Variants in PELI3 observed in about 807,000 individuals in gnomAD.
PELI3 encodes pellino E3 ubiquitin protein ligase family member 3.
A neutral mutation model predicts 35.5 loss-of-function variants in PELI3; 19 were observed. The ratio of observed to expected loss-of-function variants is 0.54; its 90% CI spans 0.37 to 0.79. The LOEUF (loss-of-function observed/expected upper bound fraction) is 0.79, where lower values mean the gene tolerates loss of function less well. Among genes scored for constraint, PELI3 ranks in the 30% least tolerant of loss-of-function variants. The pLI is 0.00. For missense variants in PELI3, 490 were observed against 661.2 expected, an observed-to-expected ratio of 0.74 and a Z score of 2.84; for synonymous variants, 262 against 279.2, an observed-to-expected ratio of 0.94 and a Z score of 0.62.
rs1854604326 is a variant in PELI3 at position 66,468,232 on chromosome 11, C to T, written c.104C>T (p.Ala35Val). The change falls in exon 2 of 8, where the codon GCG becomes GTG. Residue 35 changes from alanine (A) to valine (V), a missense_variant. Around this residue, in one of 3 missense-constraint regions of PELI3, gnomAD observed 137 missense variants for 157.1 expected, o/e 0.87. Transcript: ENST00000320740. ...GTTCTCTCCTCTCCCGGTGAAGATG[C>T]GCAGCCAGGCGAGGAGCCCATCAAG... ...SCVLSSPGED[A>V]QPGEEPIKYG... 3.8e-6 allele frequency: 6 copies of T among 1,594,386 alleles called. No individual in the cohort carries two copies. The highest frequency in any genetic ancestry group is 1.1e-5 in the South Asian group (1 of 89,324).
chr11:66,470,827 T>C (rs115637985), intron 3 of PELI3, among the ~76,000 whole-genome samples: 3,428 of 152,290 alleles, frequency 0.023, 139 homozygotes, highest in African/African-American at 0.078. Flanking sequence ...AGAATTCCCT[T>C]TTCTTCCTCT....
chr11:66,473,748 C>G lies in PELI3; in HGVS notation c.663C>G (p.Ala221=). Residue 221 remains alanine, a synonymous_variant, in exon 7 of 8, where the codon GCC becomes GCG. Transcript: ENST00000320740. This position sits in a 1 kb window ranked among gnomAD's most constrained non-coding sequence, Gnocchi z 5.8. ...SSNIFLGERA[A]KWRTPDGLMD... ...TCATGTGGTCCCAGGAGCGAGCGGC[C>G]AAATGGCGGACCCCAGATGGCCTGA... 1 of 1,613,818 alleles carries G rather than the reference C, an allele frequency of 6.2e-7. No individual in the cohort carries two copies. The highest frequency in any genetic ancestry group is 8.5e-7 in the Non-Finnish European group (1 of 1,179,966).
intron 3 of PELI3, 32 bp downstream of exon 3, chr11:66,468,936 T>C: frequency 1.4e-6 from 1 of 722,362 alleles, no homozygotes; most frequent in African/African-American, 1.7e-5. Context: ...TGGACCCAGG[T>C]CTTTCTTACT....
intron 2 of PELI3, among the ~76,000 whole-genome samples, 155 bp downstream of exon 2, chr11:66,468,435 C>A (rs1019998092): frequency 6.6e-6 from 1 of 152,226 alleles, no homozygotes; most frequent in African/African-American, 2.4e-5. Context: ...AAACCCACCT[C>A]AATTCATAAT....
Position 66,475,780 on chromosome 11 carries a change from C to CCCCAG in PELI3, c.1032_1036dup (p.Arg346GlnfsTer232). The CCCCAG allele has an allele frequency of 6.2e-7, 1 of 1,609,786 alleles. No homozygotes were observed. Among genetic ancestry groups the CCCCAG allele is most frequent in the African/African-American group, 1.3e-5 (1 of 74,982 alleles). Reference sequence around the variant, plus strand: ...CCGTGGGCCTCAGCACTCTGGCCTTCCCCAGCCCAGCCCGTGGCCGCACAG... The same window carrying CCCCAG: ...CCGTGGGCCTCAGCACTCTGGCCTTCCCCAGCCCAGCCCAGCCCGTGGCCGCACAG... On this transcript the variant is annotated frameshift_variant, in exon 8 of 8. Coordinates refer to ENST00000320740, the MANE Select transcript of PELI3 (RefSeq NM_145065.3). LOFTEE classifies it high-confidence loss of function.
chr11:66,473,996 A>T lies in PELI3; in HGVS notation c.840+71A>T. ...CACAAGCTGCCCATCCCCCTGCCCAAGCCAGGAGATGATCTCCAGTCCTTC... is the reference window on the plus strand; with the variant it reads ...CACAAGCTGCCCATCCCCCTGCCCATGCCAGGAGATGATCTCCAGTCCTTC... On this transcript the variant is annotated intron_variant, in intron 7 of 7. Transcript: ENST00000320740. The surrounding 1 kb of genome is among the most constrained non-coding windows in gnomAD (Gnocchi z 5.8). 1 of 1,572,084 alleles carries T rather than the reference A, an allele frequency of 6.4e-7. No homozygotes were observed. Among genetic ancestry groups the T allele is most frequent in the Non-Finnish European group, 8.6e-7 (1 of 1,157,290 alleles).
In PELI3 at chr11:66,475,957, G is replaced by A. The variant is rs1854902959; in HGVS notation, c.1200G>A (p.Gln400=). 2 of 1,611,518 alleles carry A rather than the reference G, an allele frequency of 1.2e-6. No individual in the cohort carries two copies. Residue 400 remains glutamine (Q), a synonymous_variant, in exon 8 of 8, where the codon CAG becomes CAA. Coordinates refer to ENST00000320740, the MANE Select transcript of PELI3 (RefSeq NM_145065.3). Reference sequence around the variant, plus strand: ...CTTATGTGCCTCTATGGCTTGGCCAGGAGGCCGGCCTCTGCCTGGACCCTG... The same window carrying A: ...CTTATGTGCCTCTATGGCTTGGCCAAGAGGCCGGCCTCTGCCTGGACCCTG... ...VGPYVPLWLG[Q]EAGLCLDPGP...
In PELI3 at chr11:66,472,455, C is replaced by T; in HGVS notation, c.441C>T (p.Asp147=). The change falls in exon 5 of 8, where the codon GAC becomes GAT. Residue 147 remains aspartate, a synonymous_variant. Coordinates refer to ENST00000320740, the MANE Select transcript of PELI3 (RefSeq NM_145065.3). The stretch of plus-strand genomic sequence containing the variant: ...TAGTGGAGTATACACATGATAGCGA[C>T]ACAGACATGTTCCAGGTATGCTCAG... The part of the protein sequence containing the change: ...SVIVEYTHDS[D]TDMFQIGRST... 1 of 1,614,004 alleles carries T rather than the reference C, an allele frequency of 6.2e-7. No individual in the cohort carries two copies. Among genetic ancestry groups the T allele is most frequent in the South Asian group, 1.1e-5 (1 of 91,082 alleles).
At position 66,477,239 on chromosome 11, in the gene PELI3, G is replaced by A. The variant is rs551905655; in HGVS notation, c.*1072G>A. ...AGAGGACTCACTGGTCAAGAGTGTC[G>A]GCTGTGACACAAGGGCCATCATCCC... On this transcript the variant is annotated 3_prime_UTR_variant, in exon 8 of 8. Transcript: ENST00000320740. 21 of 152,202 alleles carry A rather than the reference G, an allele frequency of 1.4e-4. No homozygotes were observed. Among genetic ancestry groups the A allele is most frequent in the African/African-American group, 4.6e-4 (19 of 41,488 alleles). 9.4% of individuals were successfully genotyped at this position (152,202 alleles called of 1,614,324 possible).
chr11:66,467,331 C>T lies in PELI3; in HGVS notation c.-2+304C>T, dbSNP rs1394478423. ...CCCGGGGCGCAGGGCGCGGGCCTGC[C>T]CCGGCGCGGTCCCTCTGGCGCGGGG... On this transcript the variant is annotated intron_variant, in intron 1 of 7. Transcript: ENST00000320740. This position sits in a 1 kb window ranked among gnomAD's most constrained non-coding sequence, Gnocchi z 4.2. 1.3e-5 allele frequency: 2 copies of T among 152,142 alleles called. No individual in the cohort carries two copies. The highest frequency in any genetic ancestry group is 6.5e-5 in the Admixed American group (1 of 15,278). The allele number at this position is 152,142 out of a possible 1,614,324, so 9.4% of individuals were successfully genotyped here.
chr11:66,475,212 A>C, intron 7 of PELI3: 1 of 241,702 alleles, frequency 4.1e-6, no homozygotes, highest in Non-Finnish European at 7.9e-6. Flanking sequence ...TTTTAACTGT[A>C]ACTACTGGGA....
intron 5 of PELI3, 114 bp downstream of exon 5, chr11:66,472,584 A>G (rs1306966164): frequency 1.2e-6 from 1 of 803,778 alleles, no homozygotes; most frequent in African/African-American, 1.7e-5. Context: ...TCTCCAGACG[A>G]GGAAGCAGGA....
chr11:66,471,254 T>C lies in PELI3; in HGVS notation c.237T>C (p.Cys79=), dbSNP rs1198418265. The C allele has an allele frequency of 1.9e-6, 3 of 1,613,006 alleles. No homozygotes were observed. The highest frequency in any genetic ancestry group is 1.7e-5 in the Admixed American group (1 of 59,952). Residue 79 remains cysteine (C), a synonymous_variant, in exon 4 of 8, where the codon TGT becomes TGC. Transcript: ENST00000320740. ...CCGACATCTACAGCTACAATGGTTG[T>C]CTGGCAAGTGGGGACAAGGGCCGCC... is the stretch of plus-strand genomic sequence containing the variant. ...GPRAHSCYNG[C]LASGDKGRRR...
chr11:66,476,275 AC>A lies in PELI3; in HGVS notation c.*110del. 1 of 1,201,548 alleles carries A rather than the reference AC, an allele frequency of 8.3e-7. No individual in the cohort carries two copies. Among genetic ancestry groups the A allele is most frequent in the Non-Finnish European group, 1.1e-6 (1 of 879,952 alleles). 74.4% of individuals were successfully genotyped at this position (1,201,548 alleles called of 1,614,324 possible). A position where few individuals can be genotyped will look rare whatever the true frequency, so the allele number is the denominator to read the frequency against. On this transcript the variant is annotated 3_prime_UTR_variant, in exon 8 of 8. Coordinates refer to ENST00000320740, the MANE Select transcript of PELI3 (RefSeq NM_145065.3). ...GGACACTCCCTGCTGGCACAGCCACACCAGATGGACATGTTGGATGGGCTGT... is the reference window on the plus strand; with the variant it reads ...GGACACTCCCTGCTGGCACAGCCACACAGATGGACATGTTGGATGGGCTGT...
intron 3 of PELI3, among the ~76,000 whole-genome samples, chr11:66,470,419 C>T (rs1854678508): frequency 1.3e-5 from 2 of 152,322 alleles, no homozygotes; most frequent in South Asian, 4.1e-4. Flanking sequence ...ACCTACTAGC[C>T]AGAGGCAAGT....
Position 66,473,693 on chromosome 11 carries a change from G to A in PELI3, c.652-44G>A, listed in dbSNP as rs1290684604. 9 of 1,601,474 alleles carry A rather than the reference G, an allele frequency of 5.6e-6. No individual in the cohort carries two copies. Among genetic ancestry groups the A allele is most frequent in the East Asian group, 2.2e-5 (1 of 44,850 alleles). On this transcript the variant is annotated intron_variant, in intron 6 of 7. Coordinates refer to ENST00000320740, the MANE Select transcript of PELI3 (RefSeq NM_145065.3). The surrounding 1 kb of genome is among the most constrained non-coding windows in gnomAD (Gnocchi z 5.8). ...AGTGCCTCTGGCACATGGCCTGCTG[G>A]GGGGCCCCTGGGGGATGTGATCTGA... is the stretch of plus-strand genomic sequence containing the variant.
In PELI3 at chr11:66,473,527, A is replaced by G. The variant is rs76455469; in HGVS notation, c.651+92A>G. The G allele has an allele frequency of 8.5e-5, 121 of 1,420,930 alleles. No individual in the cohort carries two copies. In the East Asian group the frequency reaches 2.8e-3, roughly 33 times the overall value. The allele number at this position is 1,420,930 out of a possible 1,614,324, so 88.0% of individuals were successfully genotyped here. On this transcript the variant is annotated intron_variant, in intron 6 of 7. Transcript: ENST00000320740. This position sits in a 1 kb window ranked among gnomAD's most constrained non-coding sequence, Gnocchi z 5.8. Reference sequence around the variant, plus strand: ...GCATCTTGAGGTGATGAACCAGCCCACAGTAATCCAAATGGTGGTCCTGGC... The same window carrying G: ...GCATCTTGAGGTGATGAACCAGCCCGCAGTAATCCAAATGGTGGTCCTGGC...
At chr11:66,475,458 T>A in intron 7 of PELI3, 140 bp from the exon 8 acceptor site, 1 of 802,120 alleles carries the variant, frequency 1.2e-6, no homozygotes, top group Non-Finnish European at 2.0e-6. Flanking sequence ...GCCTGCCCAC[T>A]TGGCCTCCTA....
Position 66,473,552 on chromosome 11 carries a change from C to A in PELI3, c.651+117C>A. On this transcript the variant is annotated intron_variant, in intron 6 of 7. Transcript: ENST00000320740. This position sits in a 1 kb window ranked among gnomAD's most constrained non-coding sequence, Gnocchi z 5.8. ...ACAGTAATCCAAATGGTGGTCCTGG[C>A]AGTTAGCAACCCCACCTAACTGATG... The A allele has an allele frequency of 1.5e-6, 2 of 1,343,802 alleles. No homozygotes were observed. Among genetic ancestry groups the A allele is most frequent in the African/African-American group, 2.9e-5 (2 of 68,026 alleles). The allele number at this position is 1,343,802 out of a possible 1,614,324, so 83.2% of individuals were successfully genotyped here.
Sources: allele counts gnomAD v4.1 joint callset (sites outside exome capture counted in the v4.1 genomes callset), GRCh38; gene constraint gnomAD v4.1.1; regional missense constraint gnomAD v4.1.1; non-coding constraint Gnocchi (gnomAD v3.1); transcripts MANE v1.5; gene names NCBI Gene and HGNC (gene_info 2026-07-23, HGNC 2026-07-21).